Variants in ERC1 observed in about 807,000 individuals in gnomAD.
The protein encoded by ERC1 is RAB6 interacting protein 2.
A neutral mutation model predicts 132.0 loss-of-function variants in ERC1; 56 were observed. The observed-to-expected ratio is 0.42, with a 90% CI of 0.34 to 0.53. The LOEUF (loss-of-function observed/expected upper bound fraction) is 0.53. Ranked by LOEUF, ERC1 falls within the 20% of genes least tolerant of loss-of-function variation. The pLI, the probability that ERC1 is intolerant of heterozygous loss-of-function variation, is 0.03. For synonymous variants in ERC1, 478 were observed against 476.1 expected, an observed-to-expected ratio of 1.00 and a Z score of -0.05; for missense variants, 1,202 against 1,349.9, an observed-to-expected ratio of 0.89 and a Z score of 1.72.
chr12:1,435,971 T>C (rs1008435466), intron 17 of ERC1, among the ~76,000 whole-genome samples: 1 of 152,240 alleles, frequency 6.6e-6, no homozygotes, highest in Non-Finnish European at 1.5e-5. Flanking sequence ...AAGCTACGTC[T>C]ACCACAGGCT....
chr12:1,129,721 T>C (rs1486436566), intron 7 of ERC1, among the ~76,000 whole-genome samples: 2 of 151,976 alleles, frequency 1.3e-5, no homozygotes, highest in South Asian at 2.1e-4. Context: ...TCAGTAAAGA[T>C]AGAAGAAAGA....
intron 16 of ERC1, among the ~76,000 whole-genome samples, chr12:1,405,024 G>A (rs34254485): frequency 0.03 from 4,514 of 151,364 alleles, 112 homozygotes; most frequent in Non-Finnish European, 0.049. Flanking sequence ...CCTCTAATCC[G>A]AGCTACTTGG....
chr12:1,137,095 C>CT (rs1949321751), intron 7 of ERC1, among the ~76,000 whole-genome samples: 2 of 134,736 alleles, frequency 1.5e-5, no homozygotes, highest in Admixed American at 7.6e-5. Flanking sequence ...TTCTTTTTTT[C>CT]TTTTCTTTTT....
At chr12:1,439,184 C>T (rs2093034880) in intron 17 of ERC1, among the ~76,000 whole-genome samples, 1 of 152,104 alleles carries the variant, frequency 6.6e-6, no homozygotes, top group Admixed American at 6.6e-5. Context: ...ACATTTCTTC[C>T]AGGTATTGAA....
chr12:1,484,640 T>C (rs1380628625), intron 18 of ERC1, among the ~76,000 whole-genome samples: 4 of 150,238 alleles, frequency 2.7e-5, no homozygotes, highest in African/African-American at 4.9e-5. Flanking sequence ...TGCAGTGGCG[T>C]GATCTCGGCT....
At chr12:1,454,267 C>T (rs563484611) in intron 18 of ERC1, among the ~76,000 whole-genome samples, 2 of 152,358 alleles carry the variant, frequency 1.3e-5, no homozygotes, top group South Asian at 4.1e-4. Context: ...TTGCCCTGTG[C>T]ATCTCTTCAT....
intron 17 of ERC1, among the ~76,000 whole-genome samples, chr12:1,409,952 G>C (rs1425049013): frequency 6.6e-6 from 1 of 151,956 alleles, no homozygotes; most frequent in Admixed American, 6.6e-5. Context: ...CAGGTGATCT[G>C]CCCGCCTTGG....
At chr12:1,201,965 G>A (rs1956955358) in intron 12 of ERC1, among the ~76,000 whole-genome samples, 1 of 152,090 alleles carries the variant, frequency 6.6e-6, no homozygotes, top group Non-Finnish European at 1.5e-5. Context: ...TATAATATGT[G>A]TTCTTGCTTG....
intron 15 of ERC1, among the ~76,000 whole-genome samples, chr12:1,297,497 T>C (rs887428327): frequency 5.0e-5 from 7 of 138,856 alleles, no homozygotes; most frequent in Non-Finnish European, 7.6e-5. Flanking sequence ...AGTCCAGGAG[T>C]CTGAGACCAG....
intron 7 of ERC1, among the ~76,000 whole-genome samples, chr12:1,129,836 G>A (rs200557403): frequency 4.7e-5 from 7 of 150,014 alleles, no homozygotes; most frequent in Admixed American, 6.6e-5. Context: ...TGAGATGCAA[G>A]AAAAAAAAAC....
Position 1,006,361 on chromosome 12 carries a change from G to T in ERC1, c.-157+15039G>T, listed in dbSNP as rs377500586. Among the ~76,000 whole-genome samples the T allele has an allele frequency of 1.4e-4, 22 of 152,194 alleles. No individual in the cohort carries two copies. The East Asian group carries it at 2.1e-3, about 15-fold the overall frequency. On this transcript the variant is annotated intron_variant, in intron 1 of 18. Transcript: ENST00000360905. ...CAATCCTTCTGCTTCAACCTTCCAA[G>T]TAGCTGGGACTGTAGGCATGCGCCA...
chr12:1,302,794 G>A (rs561078452), intron 15 of ERC1, among the ~76,000 whole-genome samples: 3 of 151,916 alleles, frequency 2.0e-5, no homozygotes, highest in Non-Finnish European at 2.9e-5. Context: ...AGAACCTGTC[G>A]CTACAAAAAA....
intron 15 of ERC1, among the ~76,000 whole-genome samples, chr12:1,300,272 G>C (rs915108032): frequency 2.6e-5 from 4 of 152,096 alleles, no homozygotes; most frequent in African/African-American, 9.7e-5. Flanking sequence ...ATATGCAGAA[G>C]ATTAAAACTG....
chr12:1,175,366 C>T (rs141440990), intron 8 of ERC1, among the ~76,000 whole-genome samples: 3 of 152,066 alleles, frequency 2.0e-5, no homozygotes, highest in Non-Finnish European at 2.9e-5. Flanking sequence ...CCTCTCAACC[C>T]GTGGCACTGC....
intron 8 of ERC1, among the ~76,000 whole-genome samples, chr12:1,163,415 C>T (rs1201661686): frequency 1.3e-5 from 2 of 152,104 alleles, no homozygotes; most frequent in Admixed American, 6.5e-5. Flanking sequence ...AAATAATAAA[C>T]TTCAGATATA....
At chr12:1,397,935 A>G (rs966824864) in intron 16 of ERC1, among the ~76,000 whole-genome samples, 2 of 152,196 alleles carry the variant, frequency 1.3e-5, no homozygotes, top group African/African-American at 4.8e-5. Context: ...CTAACTTTAT[A>G]ATACAGATTT....
At chr12:1,207,338 A>C (rs1486723162) in intron 12 of ERC1, among the ~76,000 whole-genome samples, 2 of 152,108 alleles carry the variant, frequency 1.3e-5, no homozygotes, top group African/African-American at 2.4e-5. Context: ...TAGGCCCTAG[A>C]AAATTTCTGA....
chr12:1,021,075 G>A (rs972175326), intron 1 of ERC1, among the ~76,000 whole-genome samples: 2 of 152,094 alleles, frequency 1.3e-5, no homozygotes, highest in African/African-American at 2.4e-5. Context: ...GAGTAGCTGG[G>A]ATTACAGGCA....
At chr12:1,402,614 AACAC>A (rs56777839) in intron 16 of ERC1, among the ~76,000 whole-genome samples, 242 of 144,970 alleles carry the variant, frequency 1.7e-3, no homozygotes, top group African/African-American at 4.2e-3. Flanking sequence ...TGTAACCCCC[AACAC>A]ACACACACAC....
Sources: gnomAD v4.1 joint callset for allele counts (sites outside exome capture counted in the v4.1 genomes callset) on GRCh38, gnomAD v4.1.1 for gene constraint, MANE v1.5 for transcripts, NCBI Gene and HGNC (gene_info 2026-07-23, HGNC 2026-07-21) for gene names.